The following HOOK3 variants were observed in gnomAD, a reference collection of about 807,000 sequenced individuals.
HOOK3 encodes the protein hook microtubule tethering protein 3.
A neutral mutation model predicts 116.3 loss-of-function variants in HOOK3; 24 were observed. The ratio of observed to expected loss-of-function variants is 0.21; its 90% CI spans 0.15 to 0.29. HOOK3 has a LOEUF of 0.29. HOOK3 is among the 10% of genes least tolerant of loss of function. HOOK3 has a pLI of 1.00. For synonymous variants in HOOK3, 275 were observed against 283.0 expected (o/e 0.97, Z 0.28); for missense variants, 632 against 830.2 (o/e 0.76, Z 2.93).
At chr8:42,977,663 C>T (rs1045060810) in intron 13 of HOOK3, among the ~76,000 whole-genome samples, 18 of 151,976 alleles carry the variant, frequency 1.2e-4, no homozygotes, top group African/African-American at 3.6e-4. Context: ...GGCCAGGAGT[C>T]GGAGACCAGC....
Position 43,019,779 on chromosome 8 carries a change from A to G in HOOK3, c.*1281A>G, listed in dbSNP as rs553615181. The G allele has an allele frequency of 2.4e-5, 5 of 205,192 alleles. No individual in the cohort carries two copies. The East Asian group carries it at 3.8e-4, about 16-fold the overall frequency. 12.7% of individuals were successfully genotyped at this position (205,192 alleles called of 1,614,324 possible). A position where few individuals can be genotyped will look rare whatever the true frequency, so the allele number is the denominator to read the frequency against. ...TAAATGAAATGCCTTCTAACTTTCC[A>G]TATTGACTTATGTATTTGGTCCCAA... On this transcript the variant is annotated 3_prime_UTR_variant, in exon 22 of 22. Coordinates refer to ENST00000307602, the MANE Select transcript of HOOK3 (RefSeq NM_032410.4).
rs899024389 is a variant in HOOK3, at chr8:43,025,392, A to G, written c.*6894A>G. On this transcript the variant is annotated 3_prime_UTR_variant, in exon 22 of 22. Transcript: ENST00000307602. ...GTGGAGTGGATCATTGGGATAAGAA[A>G]TAGCCTAATTATAAACAAATATGCA... The G allele has an allele frequency of 1.9e-5, 4 of 213,896 alleles. No individual in the cohort carries two copies. Among genetic ancestry groups the G allele is most frequent in the Non-Finnish European group, 3.8e-5 (4 of 105,894 alleles). 13.2% of individuals were successfully genotyped at this position (213,896 alleles called of 1,614,324 possible).
chr8:42,923,015 T>TA, intron 2 of HOOK3, among the ~76,000 whole-genome samples: 1 of 152,204 alleles, frequency 6.6e-6, no homozygotes, highest in South Asian at 2.1e-4. Context: ...TACAATTCAA[T>TA]AAAAAAGACA....
intron 2 of HOOK3, among the ~76,000 whole-genome samples, chr8:42,909,605 C>T (rs1807382844): frequency 6.6e-6 from 1 of 152,170 alleles, no homozygotes; most frequent in Non-Finnish European, 1.5e-5. Context: ...CTTCTGGGAG[C>T]ACAGGCACGC....
At chr8:42,943,803 C>T (rs1808173352) in intron 5 of HOOK3, among the ~76,000 whole-genome samples, 2 of 152,256 alleles carry the variant, frequency 1.3e-5, no homozygotes, top group South Asian at 4.2e-4. Flanking sequence ...TCTGCCTTCC[C>T]AACATATATC....
In HOOK3 at chr8:42,925,016, T is replaced by G. The variant is rs1310769944; in HGVS notation, c.144-541T>G. Among the ~76,000 whole-genome samples, 3 of 152,276 alleles carry G rather than the reference T, an allele frequency of 2.0e-5. No homozygotes were observed. The East Asian group carries it at 5.8e-4, about 29-fold the overall frequency. On this transcript the variant is annotated intron_variant, in intron 2 of 21. Coordinates refer to ENST00000307602, the MANE Select transcript of HOOK3 (RefSeq NM_032410.4). Reference sequence around the variant, plus strand: ...AAAAACTATGTCATTGATTATGTGTTAACAGTCAAGTTGACTTCTAGAAAA... The same window carrying G: ...AAAAACTATGTCATTGATTATGTGTGAACAGTCAAGTTGACTTCTAGAAAA...
At chr8:43,016,096 G>A (rs1809710233) in intron 21 of HOOK3, among the ~76,000 whole-genome samples, 1 of 148,090 alleles carries the variant, frequency 6.8e-6, no homozygotes, top group Non-Finnish European at 1.5e-5. Context: ...ATTCTGTGAA[G>A]TGGTACTAAA....
rs1275854680 is a variant in HOOK3, at chr8:43,027,452, C to G, written c.*8954C>G. On this transcript the variant is annotated 3_prime_UTR_variant, in exon 22 of 22. Transcript: ENST00000307602. The stretch of plus-strand genomic sequence containing the variant: ...AGATGAGAGACATGCTTTTAAAGTA[C>G]AAAACGTTTCTCTTCTACCTTACCC... 2.1e-6 allele frequency: 1 copy of G among 478,390 alleles called. No individual in the cohort carries two copies. Among genetic ancestry groups the G allele is most frequent in the Non-Finnish European group, 4.1e-6 (1 of 244,080 alleles). 29.6% of individuals were successfully genotyped at this position (478,390 alleles called of 1,614,324 possible).
chr8:42,899,221 A>G (rs1807131425), intron 1 of HOOK3, among the ~76,000 whole-genome samples: 1 of 152,246 alleles, frequency 6.6e-6, no homozygotes, highest in South Asian at 2.1e-4. Context: ...ACCTGACAAC[A>G]TGAGAGAATC....
intron 9 of HOOK3, 126 bp from the exon 10 acceptor site, chr8:42,966,347 C>G: frequency 1.1e-6 from 1 of 900,436 alleles, no homozygotes; most frequent in African/African-American, 1.6e-5. Flanking sequence ...CAGCTTGTGG[C>G]CACTAACATG....
intron 5 of HOOK3, among the ~76,000 whole-genome samples, chr8:42,948,771 A>C (rs1443387390): frequency 6.6e-6 from 1 of 152,252 alleles, no homozygotes; most frequent in East Asian, 1.9e-4. Context: ...ATTCTCATTA[A>C]GAAAACAAAA....
rs1809822792 is a variant in HOOK3, at chr8:43,021,258, A to G, written c.*2760A>G. On this transcript the variant is annotated 3_prime_UTR_variant, in exon 22 of 22. Transcript: ENST00000307602. ...CCACCTACCCAGATATTTTTTCTCTATCTGGGTTGGAAAGGCCCCAGGCTT... is the reference window on the plus strand; with the variant it reads ...CCACCTACCCAGATATTTTTTCTCTGTCTGGGTTGGAAAGGCCCCAGGCTT... 1 of 202,714 alleles carries G rather than the reference A, an allele frequency of 4.9e-6. No individual in the cohort carries two copies. Among genetic ancestry groups the G allele is most frequent in the Admixed American group, 6.0e-5 (1 of 16,558 alleles). 12.6% of individuals were successfully genotyped at this position (202,714 alleles called of 1,614,324 possible). A position where few individuals can be genotyped will look rare whatever the true frequency, so the allele number is the denominator to read the frequency against.
intron 15 of HOOK3, among the ~76,000 whole-genome samples, chr8:42,987,741 C>G (rs1371435219): frequency 6.6e-6 from 1 of 152,174 alleles, no homozygotes; most frequent in African/African-American, 2.4e-5. Flanking sequence ...TTTACTCTGA[C>G]AAGGGTTACA....
In HOOK3 at chr8:43,023,558, T is replaced by G. The variant is rs1257590318; in HGVS notation, c.*5060T>G. ...AACTCTGCCTACCAGGTTCAAGCGA[T>G]TCTCCTGCCTCATCCTCCCTAGTAG... On this transcript the variant is annotated 3_prime_UTR_variant, in exon 22 of 22. Coordinates refer to ENST00000307602, the MANE Select transcript of HOOK3 (RefSeq NM_032410.4). 2 of 172,338 alleles carry G rather than the reference T, an allele frequency of 1.2e-5. No individual in the cohort carries two copies. The highest frequency in any genetic ancestry group is 4.8e-5 in the African/African-American group (2 of 42,052). The allele number at this position is 172,338 out of a possible 1,614,324, so 10.7% of individuals were successfully genotyped here. A position where few individuals can be genotyped will look rare whatever the true frequency, so the allele number is the denominator to read the frequency against.
chr8:42,908,325 T>A (rs1001539173), intron 2 of HOOK3, among the ~76,000 whole-genome samples: 4 of 152,130 alleles, frequency 2.6e-5, no homozygotes, highest in Non-Finnish European at 4.4e-5. Context: ...CTAAAATTCA[T>A]ATGAAATGAC....
chr8:42,929,551 T>G (rs1371127990), intron 3 of HOOK3, among the ~76,000 whole-genome samples: 1 of 152,236 alleles, frequency 6.6e-6, no homozygotes, highest in Non-Finnish European at 1.5e-5. Flanking sequence ...ATAGGGCAGG[T>G]GATTCTGCCC....
intron 3 of HOOK3, among the ~76,000 whole-genome samples, chr8:42,928,319 C>T (rs554587395): frequency 9.7e-4 from 144 of 148,686 alleles, no homozygotes; most frequent in African/African-American, 3.3e-3. Flanking sequence ...GGTGTGGTGC[C>T]GGGCGCCTGT....
chr8:42,949,821 G>C (rs1808303123), intron 5 of HOOK3, among the ~76,000 whole-genome samples: 1 of 152,060 alleles, frequency 6.6e-6, no homozygotes, highest in Non-Finnish European at 1.5e-5. Context: ...GGAGGCTGAG[G>C]CAGGAGAGTG....
At chr8:42,964,164 G>A (rs529954746) in intron 8 of HOOK3, 147 bp from the exon 9 acceptor site, 5 of 701,800 alleles carry the variant, frequency 7.1e-6, no homozygotes, top group South Asian at 2.0e-5. Flanking sequence ...CCGAGATTGC[G>A]CCACTGCACT....
Sources: gnomAD v4.1 joint callset for allele counts (sites outside exome capture counted in the v4.1 genomes callset) on GRCh38, gnomAD v4.1.1 for gene constraint, MANE v1.5 for transcripts, NCBI Gene and HGNC (gene_info 2026-07-23, HGNC 2026-07-21) for gene names.